Variants in FIG4 observed in about 807,000 individuals in gnomAD.
The protein encoded by FIG4 is polyphosphoinositide phosphatase.
Under a neutral mutation model 118.6 loss-of-function variants are expected in FIG4, and 112 were observed. The observed-to-expected ratio is 0.94, with a 90% CI of 0.81 to 1.11. The LOEUF is 1.11. Among genes scored for constraint, FIG4 ranks in the 50% least tolerant of loss-of-function variants. The pLI is 0.00. For synonymous variants in FIG4, 369 were observed against 381.2 expected, an observed-to-expected ratio of 0.97 and a Z score of 0.37; for missense variants, 969 against 1,111.7, an observed-to-expected ratio of 0.87 and a Z score of 1.83.
intron 3 of FIG4, among the ~76,000 whole-genome samples, chr6:109,723,455 A>G (rs893369781): frequency 2.0e-5 from 3 of 152,238 alleles, no homozygotes; most frequent in African/African-American, 7.2e-5. Flanking sequence ...ATAACTCTCC[A>G]ATATTCATTT....
At chr6:109,695,579 T>TACACAC (rs57747347) in intron 1 of FIG4, among the ~76,000 whole-genome samples, 22 of 148,820 alleles carry the variant, frequency 1.5e-4, no homozygotes, top group East Asian at 7.9e-4. Flanking sequence ...ATGCAGTGAA[T>TACACAC]ACACACACAC....
At chr6:109,776,529 G>A (rs1777622432) in intron 15 of FIG4, among the ~76,000 whole-genome samples, 1 of 152,128 alleles carries the variant, frequency 6.6e-6, no homozygotes, top group Non-Finnish European at 1.5e-5. Flanking sequence ...GTCTCTGCTT[G>A]TCTTTGCAAT....
rs71018366 is a variant in FIG4 at position 109,764,895 on chromosome 6, T to TTTTTTGTTTTTGTTTTTG, written c.1435-96_1435-79dup. On this transcript the variant is annotated intron_variant, in intron 13 of 22. Transcript: ENST00000230124. ...CAGGAATAATACCTGCCCACAGACTTTTTTTGTTTTTGTTTTTGTTTTTGT... is the reference window on the plus strand; with the variant it reads ...CAGGAATAATACCTGCCCACAGACTTTTTTTGTTTTTGTTTTTGTTTTTGTTTTTGTTTTTGTTTTTGT... 2,136 of 811,246 alleles carry TTTTTTGTTTTTGTTTTTG rather than the reference T, an allele frequency of 2.6e-3. 10 individuals are homozygous for TTTTTTGTTTTTGTTTTTG. The highest frequency in any genetic ancestry group is 3.3e-3 in the Non-Finnish European group (1,594 of 487,542). The allele number at this position is 811,246 out of a possible 1,614,324, so 50.3% of individuals were successfully genotyped here.
chr6:109,777,295 C>T (rs904401149), intron 16 of FIG4, among the ~76,000 whole-genome samples: 1 of 152,134 alleles, frequency 6.6e-6, no homozygotes, highest in Non-Finnish European at 1.5e-5. Flanking sequence ...GGTATCCATC[C>T]TCTGATGCAT....
At chr6:109,824,228 G>T (rs1028464598) in intron 22 of FIG4, among the ~76,000 whole-genome samples, 1 of 152,204 alleles carries the variant, frequency 6.6e-6, no homozygotes, top group Admixed American at 6.5e-5. Context: ...CAAATTACCC[G>T]AGAAAGGAAG....
intron 21 of FIG4, among the ~76,000 whole-genome samples, chr6:109,795,892 C>T (rs139217877): frequency 0.016 from 2,420 of 152,188 alleles, 60 homozygotes; most frequent in African/African-American, 0.056. Flanking sequence ...TGAGCCACTG[C>T]GCGTGGCCTG....
chr6:109,725,306 A>G (rs527694972), intron 3 of FIG4, among the ~76,000 whole-genome samples: 37 of 151,756 alleles, frequency 2.4e-4, no homozygotes, highest in African/African-American at 8.7e-4. Flanking sequence ...CCCTATGTCT[A>G]TGTGTTCTCA....
At chr6:109,755,837 C>A (rs1776875149) in intron 10 of FIG4, among the ~76,000 whole-genome samples, 2 of 152,178 alleles carry the variant, frequency 1.3e-5, no homozygotes, top group African/African-American at 4.8e-5. Context: ...TGTCTCTGCA[C>A]ATGAGATGGG....
intron 1 of FIG4, among the ~76,000 whole-genome samples, chr6:109,703,055 G>A (rs1338847110): frequency 6.6e-6 from 1 of 151,814 alleles, no homozygotes; most frequent in Non-Finnish European, 1.5e-5. Context: ...TTTTGGTAGA[G>A]TACTTCCTTT....
intron 10 of FIG4, among the ~76,000 whole-genome samples, chr6:109,758,227 C>T (rs933046727): frequency 1.3e-5 from 2 of 152,138 alleles, no homozygotes; most frequent in Non-Finnish European, 2.9e-5. Flanking sequence ...GCTACAGTAA[C>T]CAAAACAGCA....
intron 22 of FIG4, among the ~76,000 whole-genome samples, chr6:109,807,698 A>G (rs1235513129): frequency 6.6e-6 from 1 of 152,146 alleles, no homozygotes; most frequent in Non-Finnish European, 1.5e-5. Flanking sequence ...TATGTTCTGA[A>G]TGGTATTGCC....
intron 15 of FIG4, among the ~76,000 whole-genome samples, chr6:109,774,890 C>T (rs1562676622): frequency 6.6e-6 from 1 of 151,406 alleles, no homozygotes; most frequent in Non-Finnish European, 1.5e-5. Context: ...TTGAATAATA[C>T]TTCCTTTCAT....
chr6:109,764,923 T>C (rs1234591216), intron 13 of FIG4, 90 bp from the exon 14 acceptor site: 1 of 1,240,342 alleles, frequency 8.1e-7, no homozygotes, highest in Non-Finnish European at 1.2e-6. Flanking sequence ...GTTTTTGTTT[T>C]TGTTTTTGTT....
intron 15 of FIG4, among the ~76,000 whole-genome samples, chr6:109,775,563 G>A (rs1183389739): frequency 6.6e-6 from 1 of 152,074 alleles, no homozygotes; most frequent in Admixed American, 6.6e-5. Context: ...TGCTATTAAG[G>A]CTATTTAAGA....
chr6:109,693,729 G>T (rs1279232520), intron 1 of FIG4, among the ~76,000 whole-genome samples: 2 of 152,126 alleles, frequency 1.3e-5, no homozygotes, highest in Non-Finnish European at 2.9e-5. Context: ...ATCATTCATG[G>T]CCAGGGGGGG....
intron 1 of FIG4, among the ~76,000 whole-genome samples, chr6:109,714,465 G>A (rs948955351): frequency 2.0e-5 from 3 of 152,138 alleles, no homozygotes; most frequent in Non-Finnish European, 4.4e-5. Flanking sequence ...TATTTAATAA[G>A]ACTAATGTGA....
chr6:109,740,458 C>A (rs1480914327), intron 7 of FIG4, among the ~76,000 whole-genome samples: 1 of 152,098 alleles, frequency 6.6e-6, no homozygotes, highest in Non-Finnish European at 1.5e-5. Context: ...ATTACTTCAC[C>A]TAGTCCTCCT....
At chr6:109,809,648 A>G (rs926787332) in intron 22 of FIG4, among the ~76,000 whole-genome samples, 1 of 152,232 alleles carries the variant, frequency 6.6e-6, no homozygotes, top group Non-Finnish European at 1.5e-5. Flanking sequence ...ATTTGCCAGC[A>G]GGATGATATC....
At chr6:109,821,449 A>T (rs1403375446) in intron 22 of FIG4, among the ~76,000 whole-genome samples, 1 of 152,268 alleles carries the variant, frequency 6.6e-6, no homozygotes, top group East Asian at 1.9e-4. Context: ...AGACAATGAA[A>T]TCATGCCAGA....
Sources: allele counts gnomAD v4.1 joint callset (sites outside exome capture counted in the v4.1 genomes callset), GRCh38; gene constraint gnomAD v4.1.1; transcripts MANE v1.5; gene names NCBI Gene and HGNC (gene_info 2026-07-23, HGNC 2026-07-21).